Variants in ATP6V0E1 observed in about 807,000 individuals in gnomAD.
ATP6V0E1 encodes the protein V-type proton ATPase subunit e 1.
In ATP6V0E1, 4 loss-of-function variants were observed where a neutral mutation model predicts 11.6. That is an observed-to-expected ratio of 0.35 (90% confidence interval 0.17 to 0.79). ATP6V0E1 has a LOEUF of 0.79. ATP6V0E1 is among the 30% of genes least tolerant of loss of function. ATP6V0E1 has a pLI of 0.54. For synonymous variants in ATP6V0E1, 36 were observed against 34.8 expected (o/e 1.04, Z -0.13); for missense variants, 105 against 100.0 (o/e 1.05, Z -0.21).
At chr5:172,991,417 A>G (rs1755976796) in intron 1 of ATP6V0E1, among the ~76,000 whole-genome samples, 1 of 152,174 alleles carries the variant, frequency 6.6e-6, no homozygotes, top group Non-Finnish European at 1.5e-5. Context: ...CAGCTCTTTC[A>G]GTTCTATGAG....
chr5:173,000,554 T>C (rs371766799), intron 2 of ATP6V0E1, among the ~76,000 whole-genome samples: 12 of 152,092 alleles, frequency 7.9e-5, no homozygotes, highest in African/African-American at 2.9e-4. Context: ...ATAAATACTA[T>C]CTAAGAATCA....
At chr5:172,996,157 A>G (rs996686588) in intron 2 of ATP6V0E1, among the ~76,000 whole-genome samples, 1 of 152,206 alleles carries the variant, frequency 6.6e-6, no homozygotes, top group Non-Finnish European at 1.5e-5. Context: ...GCCCGTTAAT[A>G]AAAGAGGACC....
intron 2 of ATP6V0E1, among the ~76,000 whole-genome samples, chr5:173,019,112 C>A (rs1282487943): frequency 6.6e-6 from 1 of 152,134 alleles, no homozygotes; most frequent in African/African-American, 2.4e-5. Context: ...AGTCAGCAAA[C>A]ACAGTGAATT....
chr5:173,010,351 C>T (rs1480765248), intron 2 of ATP6V0E1, among the ~76,000 whole-genome samples: 1 of 152,114 alleles, frequency 6.6e-6, no homozygotes, highest in Non-Finnish European at 1.5e-5. Context: ...AAGAAATAAC[C>T]AGTGTTTATT....
At chr5:172,998,151 T>G (rs1302047237) in intron 2 of ATP6V0E1, among the ~76,000 whole-genome samples, 1 of 150,460 alleles carries the variant, frequency 6.6e-6, no homozygotes, top group South Asian at 2.1e-4. Context: ...TTTGACTGTT[T>G]AAACACTAAG....
At chr5:173,004,372 G>C (rs1010723621) in intron 2 of ATP6V0E1, among the ~76,000 whole-genome samples, 2 of 152,214 alleles carry the variant, frequency 1.3e-5, no homozygotes, top group Non-Finnish European at 2.9e-5. Flanking sequence ...TATCTGGCCT[G>C]TAAACATAAG....
intron 1 of ATP6V0E1, among the ~76,000 whole-genome samples, chr5:172,986,167 A>C (rs1363849744): frequency 1.3e-5 from 2 of 152,236 alleles, no homozygotes; most frequent in Non-Finnish European, 2.9e-5. Context: ...GAACCAGGAC[A>C]TTGCTGTATA....
chr5:173,028,421 T>C (rs2113615226), intron 3 of ATP6V0E1, among the ~76,000 whole-genome samples: 1 of 152,332 alleles, frequency 6.6e-6, no homozygotes, highest in South Asian at 2.1e-4. Context: ...GATTTGGGTC[T>C]GACCTCACCT....
intron 2 of ATP6V0E1, among the ~76,000 whole-genome samples, chr5:173,013,211 A>C (rs1756357219): frequency 6.6e-6 from 1 of 151,792 alleles, no homozygotes; most frequent in Non-Finnish European, 1.5e-5. Flanking sequence ...CACAGTCAAC[A>C]AAAACTAAAA....
Position 173,015,984 on chromosome 5 carries a change from C to T in ATP6V0E1, c.153-4254C>T, listed in dbSNP as rs111576786. On this transcript the variant is annotated intron_variant, in intron 2 of 3. Transcript: ENST00000519374. Reference sequence around the variant, plus strand: ...CAAGTGATCCACCCGCCTTGGCCTCCCAGTGTCGAGATTACAGGCGTGAGC... The same window carrying T: ...CAAGTGATCCACCCGCCTTGGCCTCTCAGTGTCGAGATTACAGGCGTGAGC... Among the ~76,000 whole-genome samples, 128 of 152,230 alleles carry T rather than the reference C, an allele frequency of 8.4e-4. 1 individual carries two copies. The highest frequency in any genetic ancestry group is 6.8e-3 in the Middle Eastern group (2 of 294).
intron 2 of ATP6V0E1, among the ~76,000 whole-genome samples, chr5:173,012,421 C>T (rs994242930): frequency 6.6e-6 from 1 of 151,844 alleles, no homozygotes; most frequent in African/African-American, 2.4e-5. Context: ...TGAACCCTTT[C>T]TGTCACCATA....
chr5:173,023,435 A>T (rs1328402736), intron 3 of ATP6V0E1, among the ~76,000 whole-genome samples: 2 of 152,194 alleles, frequency 1.3e-5, no homozygotes, highest in African/African-American at 4.8e-5. Flanking sequence ...ACCTCAGGTG[A>T]TCCACCCGCC....
At chr5:172,990,167 A>T (rs1432327442) in intron 1 of ATP6V0E1, among the ~76,000 whole-genome samples, 1 of 147,654 alleles carries the variant, frequency 6.8e-6, no homozygotes, top group South Asian at 2.1e-4. Context: ...TTCTTTTATT[A>T]AAAAAAAAAA....
chr5:172,992,777 TGAGGCA>T (rs1196089170), intron 1 of ATP6V0E1, among the ~76,000 whole-genome samples: 1 of 152,136 alleles, frequency 6.6e-6, no homozygotes, highest in Non-Finnish European at 1.5e-5. Context: ...GTGAGCTTCA[TGAGGCA>T]GTGGTTTTTT....
At chr5:172,992,759 A>T (rs1435256868) in intron 1 of ATP6V0E1, among the ~76,000 whole-genome samples, 2 of 152,160 alleles carry the variant, frequency 1.3e-5, no homozygotes, top group African/African-American at 2.4e-5. Context: ...TATCTATGCC[A>T]GTAGCACGTG....
chr5:173,009,982 T>C (rs1745916064), intron 2 of ATP6V0E1, among the ~76,000 whole-genome samples: 1 of 150,150 alleles, frequency 6.7e-6, no homozygotes, highest in African/African-American at 2.5e-5. Context: ...CACGCTGGTC[T>C]CAAACTCCTG....
intron 2 of ATP6V0E1, among the ~76,000 whole-genome samples, chr5:173,003,171 CA>C (rs1202350162): frequency 6.6e-6 from 1 of 151,956 alleles, no homozygotes; most frequent in Non-Finnish European, 1.5e-5. Flanking sequence ...TGATTGACAG[CA>C]GCAGGGGGCT....
Position 172,983,857 on chromosome 5 carries a change from G to T in ATP6V0E1, c.-4G>T. ...GGGTAGGGGTTGGCGCTCAGGCGGC[G>T]ACCATGGCGTATCACGGCCTCACTG... On this transcript the variant is annotated 5_prime_UTR_variant, in exon 1 of 4. Coordinates refer to ENST00000519374, the MANE Select transcript of ATP6V0E1 (RefSeq NM_003945.4). 1 of 1,613,668 alleles carries T rather than the reference G, an allele frequency of 6.2e-7. No homozygotes were observed. Among genetic ancestry groups the T allele is most frequent in the South Asian group, 1.1e-5 (1 of 91,054 alleles).
intron 1 of ATP6V0E1, among the ~76,000 whole-genome samples, chr5:172,992,122 C>A (rs976375587): frequency 7.9e-5 from 12 of 152,048 alleles, no homozygotes; most frequent in Admixed American, 5.2e-4. Flanking sequence ...GCGATCTCGG[C>A]TCACTGCAAG....
Sources: gnomAD v4.1 joint callset for allele counts (sites outside exome capture counted in the v4.1 genomes callset) on GRCh38, gnomAD v4.1.1 for gene constraint, MANE v1.5 for transcripts, NCBI Gene and HGNC (gene_info 2026-07-23, HGNC 2026-07-21) for gene names.